SPHKAP: variants seen among roughly 807,000 people sequenced by gnomAD.
SPHKAP encodes SPHK1 interactor, AKAP domain containing, also known as A-kinase anchor protein SPHKAP.
Under a neutral mutation model 137.5 loss-of-function variants are expected in SPHKAP, and 67 were observed. The ratio of observed to expected loss-of-function variants is 0.49; its 90% CI spans 0.40 to 0.60. The LOEUF is 0.60. Ranked by LOEUF, SPHKAP falls within the 20% of genes least tolerant of loss-of-function variation. The probability of loss-of-function intolerance (pLI) is 0.00; values close to 1 mark genes in which losing one functional copy is unlikely to be tolerated. For synonymous variants in SPHKAP, 813 were observed against 785.3 expected (o/e 1.04, Z -0.59); for missense variants, 2,097 against 2,069.3 (o/e 1.01, Z -0.26).
At chr2:228,016,236 T>A (rs891884367) in intron 7 of SPHKAP, among the ~76,000 whole-genome samples, 170 bp downstream of exon 7, 1 of 152,184 alleles carries the variant, frequency 6.6e-6, no homozygotes, top group African/African-American at 2.4e-5. Flanking sequence ...TATGTATACA[T>A]GTGCCATGTT....
chr2:228,091,634 A>G (rs543607913), intron 3 of SPHKAP, among the ~76,000 whole-genome samples: 11 of 152,374 alleles, frequency 7.2e-5, no homozygotes, highest in African/African-American at 2.6e-4. Flanking sequence ...TCTGAAAAGA[A>G]GATATACAAA....
chr2:228,085,867 C>T (rs2106320390), intron 3 of SPHKAP, among the ~76,000 whole-genome samples: 1 of 151,976 alleles, frequency 6.6e-6, no homozygotes, highest in East Asian at 1.9e-4. Context: ...CAACTTTATG[C>T]AAAAATGAGA....
At chr2:227,998,324 T>A (rs1195941716) in intron 7 of SPHKAP, among the ~76,000 whole-genome samples, 1 of 152,186 alleles carries the variant, frequency 6.6e-6, no homozygotes, top group South Asian at 2.1e-4. Context: ...AATCACCCTT[T>A]AATTCAGGTA....
chr2:228,050,579 TAAATC>T (rs1488405288), intron 3 of SPHKAP, among the ~76,000 whole-genome samples: 3 of 152,238 alleles, frequency 2.0e-5, no homozygotes, highest in East Asian at 1.9e-4. Context: ...TTCACATAAT[TAAATC>T]AAAGTAACTG....
intron 3 of SPHKAP, among the ~76,000 whole-genome samples, chr2:228,055,806 A>ATTT: frequency 6.6e-6 from 1 of 152,314 alleles, no homozygotes; most frequent in East Asian, 1.9e-4. Context: ...TTCCGACAGT[A>ATTT]TTTTTAAAAA....
At position 228,074,153 on chromosome 2, in the gene SPHKAP, A is replaced by C. The variant is rs560952145; in HGVS notation, c.246+34679T>G. On this transcript the variant is annotated intron_variant, in intron 3 of 11. Coordinates refer to ENST00000392056, the MANE Select transcript of SPHKAP (RefSeq NM_001142644.2). ...CATTAAGGCAGATTGTATTTTTGAT[A>C]ATTTAAAAAGAAGTGTTTGCAATGC... Among the ~76,000 whole-genome samples, 32 of 152,330 alleles carry C rather than the reference A, an allele frequency of 2.1e-4. No homozygotes were observed. The South Asian group carries it at 6.0e-3, about 29-fold the overall frequency.
intron 1 of SPHKAP, among the ~76,000 whole-genome samples, chr2:228,176,900 C>G (rs1469558939): frequency 6.6e-6 from 1 of 151,992 alleles, no homozygotes; most frequent in Non-Finnish European, 1.5e-5. Context: ...AAACAAAATA[C>G]AAAACAACAA....
At chr2:228,001,303 ATATC>A (rs941284273) in intron 7 of SPHKAP, among the ~76,000 whole-genome samples, 3 of 143,768 alleles carry the variant, frequency 2.1e-5, no homozygotes, top group East Asian at 2.0e-4. Flanking sequence ...ACATATAAAT[ATATC>A]TATACATATA....
chr2:228,176,094 C>T (rs1007381869), intron 1 of SPHKAP, among the ~76,000 whole-genome samples: 2 of 152,194 alleles, frequency 1.3e-5, no homozygotes, highest in Non-Finnish European at 2.9e-5. Flanking sequence ...AAATAAAGCA[C>T]AGAGTAGGTA....
chr2:228,131,141 GT>G, intron 2 of SPHKAP: 1 of 188,522 alleles, frequency 5.3e-6, no homozygotes, highest in Non-Finnish European at 9.8e-6. Flanking sequence ...ATATATGCAT[GT>G]ATATCATGTA....
intron 3 of SPHKAP, among the ~76,000 whole-genome samples, chr2:228,060,646 T>A (rs1312995889): frequency 6.6e-6 from 1 of 152,190 alleles, no homozygotes; most frequent in Non-Finnish European, 1.5e-5. Flanking sequence ...TTTACTGCCA[T>A]GGTTCTGATA....
At chr2:228,005,888 A>G (rs1308475810) in intron 7 of SPHKAP, among the ~76,000 whole-genome samples, 1 of 150,950 alleles carries the variant, frequency 6.6e-6, no homozygotes, top group Non-Finnish European at 1.5e-5. Context: ...CCCACTCTGT[A>G]GAGTTTCTGC....
At chr2:228,174,075 A>G (rs1402536056) in intron 1 of SPHKAP, among the ~76,000 whole-genome samples, 3 of 152,132 alleles carry the variant, frequency 2.0e-5, no homozygotes, top group South Asian at 2.1e-4. Context: ...TCTTAGCTCT[A>G]TTGGGAACAG....
intron 1 of SPHKAP, among the ~76,000 whole-genome samples, chr2:228,140,167 G>T (rs559565201): frequency 6.6e-6 from 1 of 151,226 alleles, no homozygotes; most frequent in African/African-American, 2.4e-5. Flanking sequence ...GGCTGGTCTC[G>T]ATCTCCTGAC....
chr2:228,094,101 A>G (rs144377738), intron 3 of SPHKAP, among the ~76,000 whole-genome samples: 2 of 152,184 alleles, frequency 1.3e-5, no homozygotes, highest in Non-Finnish European at 2.9e-5. Flanking sequence ...GGTTTTCAGC[A>G]TGGATTAATA....
intron 1 of SPHKAP, among the ~76,000 whole-genome samples, chr2:228,158,326 C>CTTTTTTTT (rs55897294): frequency 2.0e-4 from 26 of 133,088 alleles, no homozygotes; most frequent in African/African-American, 5.3e-4. Flanking sequence ...TTACTTCTTT[C>CTTTTTTTT]TTTTTTTTTT....
At chr2:228,165,596 C>T (rs866557415) in intron 1 of SPHKAP, among the ~76,000 whole-genome samples, 230 of 152,316 alleles carry the variant, frequency 1.5e-3, no homozygotes, top group African/African-American at 5.1e-3. Context: ...TGAGATAACT[C>T]ACTCCTCTAC....
At chr2:228,053,119 A>G (rs9646885) in intron 3 of SPHKAP, among the ~76,000 whole-genome samples, 93,343 of 151,660 alleles carry the variant, frequency 0.62, 29,175 homozygotes, top group East Asian at 0.78. Flanking sequence ...GTAGACAGCC[A>G]TCTTCTTGCT....
chr2:228,025,840 T>A, intron 4 of SPHKAP: 1 of 982,422 alleles, frequency 1.0e-6, no homozygotes, highest in Non-Finnish European at 1.2e-6. Context: ...CTTGGAAAAA[T>A]TTTCCCTTTT....
Sources: allele counts gnomAD v4.1 joint callset (sites outside exome capture counted in the v4.1 genomes callset), GRCh38; gene constraint gnomAD v4.1.1; transcripts MANE v1.5; gene names NCBI Gene and HGNC (gene_info 2026-07-23, HGNC 2026-07-21).